The following FAM227A variants were observed in gnomAD, a reference collection of about 807,000 sequenced individuals.
The protein encoded by FAM227A is protein FAM227A.
In FAM227A, 80 loss-of-function variants were observed where a neutral mutation model predicts 74.7. The ratio of observed to expected loss-of-function variants is 1.07; its 90% confidence interval spans 0.89 to 1.29. FAM227A has a LOEUF of 1.29. Among genes scored for constraint, FAM227A ranks in the 50% most tolerant of loss-of-function variants. The pLI, the probability that FAM227A is intolerant of heterozygous loss-of-function variation, is 0.00. For synonymous variants in FAM227A, 237 were observed against 241.8 expected (o/e 0.98, Z 0.19); for missense variants, 654 against 683.4 (o/e 0.96, Z 0.48).
At chr22:38,625,800 C>T (rs922161143) in intron 9 of FAM227A, among the ~76,000 whole-genome samples, 12 of 147,424 alleles carry the variant, frequency 8.1e-5, no homozygotes, top group African/African-American at 1.8e-4. Context: ...AAAAATTAGC[C>T]GGGCATGGTG....
At chr22:38,589,137 T>G (rs2090876521) in intron 16 of FAM227A, among the ~76,000 whole-genome samples, 2 of 152,024 alleles carry the variant, frequency 1.3e-5, no homozygotes, top group Admixed American at 6.6e-5. Context: ...GAAGAATAGA[T>G]GCAGACAGAC....
chr22:38,600,912 A>G (rs372478544), intron 13 of FAM227A, among the ~76,000 whole-genome samples: 2 of 150,584 alleles, frequency 1.3e-5, no homozygotes, highest in African/African-American at 4.9e-5. Flanking sequence ...AGATTGCACC[A>G]TTGCGCTCCA....
At chr22:38,598,065 A>G (rs898944079) in intron 14 of FAM227A, among the ~76,000 whole-genome samples, 2 of 151,342 alleles carry the variant, frequency 1.3e-5, no homozygotes, top group African/African-American at 4.9e-5. Flanking sequence ...AAAAAAGAAA[A>G]TTCTCCCTCT....
rs1234211906 is a variant in FAM227A, at chr22:38,628,268, G to C, written c.696C>G (p.Pro232=). The C allele has an allele frequency of 6.4e-7, 1 of 1,550,932 alleles. No homozygotes were observed. Residue 232 remains proline, a synonymous_variant, in exon 8 of 17, where the codon CCC becomes CCG. Coordinates refer to ENST00000535113, the MANE Select transcript of FAM227A (RefSeq NM_001013647.2). The part of the protein sequence containing the change: ...QHYALLLFRV[P]KSHSEEALLK... ...AGAGCGCCTCTTCAGAGTGGGACTT[G>C]GGTACACGAAACAAAAGTAAGGCAT... is the stretch of plus-strand genomic sequence containing the variant.
intron 5 of FAM227A, among the ~76,000 whole-genome samples, chr22:38,637,919 C>A (rs1369699913): frequency 6.6e-6 from 1 of 152,206 alleles, no homozygotes; most frequent in Non-Finnish European, 1.5e-5. Context: ...GTAATCCCAG[C>A]ACTTTGGGAG....
chr22:38,599,814 C>T lies in FAM227A; in HGVS notation c.1329G>A (p.Gln443=). 1 of 1,551,480 alleles carries T rather than the reference C, an allele frequency of 6.4e-7. No individual in the cohort carries two copies. The highest frequency in any genetic ancestry group is 1.2e-5 in the South Asian group (1 of 84,028). Residue 443 remains glutamine (Q), a synonymous_variant, in exon 14 of 17, where the codon CAG becomes CAA. Coordinates refer to ENST00000535113, the MANE Select transcript of FAM227A (RefSeq NM_001013647.2). The part of the protein sequence containing the change: ...YFLQNYASLQ[Q]HGKNVLIVRR... ...TGACTATCAACACATTCTTGCCGTG[C>T]TGCTGCAGACTGGCATAGTTCTGGA...
At chr22:38,596,145 TC>T (rs1309044767) in intron 15 of FAM227A, among the ~76,000 whole-genome samples, 1 of 151,806 alleles carries the variant, frequency 6.6e-6, no homozygotes, top group Non-Finnish European at 1.5e-5. Context: ...ACATGGTGAA[TC>T]CCCTTCTCTA....
chr22:38,641,534 A>T (rs1227581994), intron 3 of FAM227A, among the ~76,000 whole-genome samples: 1 of 147,236 alleles, frequency 6.8e-6, no homozygotes, highest in Non-Finnish European at 1.5e-5. Flanking sequence ...CTGGGCGACA[A>T]GAGTGAAACT....
At chr22:38,612,084 G>C (rs2091424714) in intron 11 of FAM227A, among the ~76,000 whole-genome samples, 2 of 152,094 alleles carry the variant, frequency 1.3e-5, no homozygotes, top group South Asian at 4.1e-4. Context: ...CGTCAGGTCT[G>C]TCTGCTTCTT....
intron 8 of FAM227A, among the ~76,000 whole-genome samples, chr22:38,627,394 CCT>C (rs1019494406): frequency 5.9e-4 from 89 of 151,766 alleles, no homozygotes; most frequent in African/African-American, 2.1e-3. Flanking sequence ...ATGGTGAAAC[CCT>C]GTCTCTACTA....
chr22:38,643,919 G>A lies in FAM227A; in HGVS notation c.225+1644C>T, dbSNP rs190324887. 5.9e-5 allele frequency among the ~76,000 whole-genome samples: 9 copies of A among 152,174 alleles called. No homozygotes were observed. In the East Asian group the frequency reaches 1.2e-3, roughly 20 times the overall value. On this transcript the variant is annotated intron_variant, in intron 3 of 16. Coordinates refer to ENST00000535113, the MANE Select transcript of FAM227A (RefSeq NM_001013647.2). ...TCCCAGCACTTTCGGAGGCTGAGGC[G>A]GGCGGATCACGAGGTCAGGAGATCG...
In FAM227A at chr22:38,579,124, A is replaced by G. The variant is rs905117499; in HGVS notation, c.*7001T>C. The G allele has an allele frequency of 3.3e-5, 5 of 152,150 alleles. No homozygotes were observed. The highest frequency in any genetic ancestry group is 2.6e-4 in the Admixed American group (4 of 15,260). 9.4% of individuals were successfully genotyped at this position (152,150 alleles called of 1,614,324 possible). On this transcript the variant is annotated 3_prime_UTR_variant, in exon 17 of 17. Transcript: ENST00000535113. ...CACTATATGGCAGGCTTGTATATTC[A>G]TATCTTGACTTTATTTTCCTGTCAT... is the stretch of plus-strand genomic sequence containing the variant.
chr22:38,655,219 AAATTTT>A (rs1460889066), intron 1 of FAM227A, among the ~76,000 whole-genome samples: 1 of 152,066 alleles, frequency 6.6e-6, no homozygotes, highest in Non-Finnish European at 1.5e-5. Flanking sequence ...GCCAAGAGTA[AAATTTT>A]AATTTTAATT....
intron 3 of FAM227A, 48 bp from the exon 4 acceptor site, chr22:38,639,772 T>G: frequency 7.8e-7 from 1 of 1,288,924 alleles, no homozygotes; most frequent in Non-Finnish European, 1.1e-6. Context: ...ATGCAAATCC[T>G]GGAGAAGGGT....
intron 11 of FAM227A, among the ~76,000 whole-genome samples, chr22:38,609,409 G>A (rs1257245222): frequency 6.6e-6 from 1 of 152,236 alleles, no homozygotes; most frequent in African/African-American, 2.4e-5. Context: ...TTGGCCGCAA[G>A]TGGTATGAGG....
At chr22:38,629,993 A>T (rs1283762302) in intron 6 of FAM227A, among the ~76,000 whole-genome samples, 1 of 133,846 alleles carries the variant, frequency 7.5e-6, no homozygotes, top group Admixed American at 7.5e-5. Flanking sequence ...TTTAACCATC[A>T]CTCACACACA....
chr22:38,626,791 T>C (rs572846925), intron 8 of FAM227A, among the ~76,000 whole-genome samples: 2 of 137,918 alleles, frequency 1.5e-5, no homozygotes, highest in South Asian at 2.3e-4. Context: ...GGAGAAGCAC[T>C]TGAACCAGGA....
intron 11 of FAM227A, among the ~76,000 whole-genome samples, chr22:38,610,919 G>C (rs557197436): frequency 2.0e-5 from 3 of 152,172 alleles, no homozygotes; most frequent in Admixed American, 2.0e-4. Flanking sequence ...AATTAGCGGG[G>C]AGTGGTGGCA....
At chr22:38,609,857 C>T (rs1030953645) in intron 11 of FAM227A, among the ~76,000 whole-genome samples, 2 of 151,126 alleles carry the variant, frequency 1.3e-5, no homozygotes, top group South Asian at 2.1e-4. Context: ...CTGCAACCTC[C>T]GCTTCTCAGG....
Sources: gnomAD v4.1 joint callset for allele counts (sites outside exome capture counted in the v4.1 genomes callset) on GRCh38, gnomAD v4.1.1 for gene constraint, MANE v1.5 for transcripts, NCBI Gene and HGNC (gene_info 2026-07-23, HGNC 2026-07-21) for gene names.